The following STOX2 variants were observed in gnomAD, a reference collection of about 807,000 sequenced individuals.
The protein encoded by STOX2 is storkhead box 2.
Under a neutral mutation model 60.9 loss-of-function variants are expected in STOX2, and 28 were observed. The observed-to-expected ratio is 0.46, with a 90% CI of 0.34 to 0.63. STOX2 has a LOEUF of 0.63. Ranked by LOEUF, STOX2 falls within the 30% of genes least tolerant of loss-of-function variation. STOX2 has a pLI of 0.01. For missense variants in STOX2, 1,024 were observed against 1,187.7 expected, an observed-to-expected ratio of 0.86 and a Z score of 2.03; for synonymous variants, 472 against 463.9, an observed-to-expected ratio of 1.02 and a Z score of -0.22.
At chr4:183,942,695 C>T (rs958368567) in intron 1 of STOX2, among the ~76,000 whole-genome samples, 2 of 152,058 alleles carry the variant, frequency 1.3e-5, no homozygotes, top group African/African-American at 4.8e-5. Context: ...ACTGTTTCAG[C>T]TTGAGAAAAC....
chr4:183,860,668 C>A (rs1321899272), intron 1 of STOX2, among the ~76,000 whole-genome samples: 1 of 152,080 alleles, frequency 6.6e-6, no homozygotes, highest in Non-Finnish European at 1.5e-5. Context: ...GAGGGAGATG[C>A]TATTCAGAGT....
At chr4:183,818,215 CTGGTTTT>C (rs1739197586) in intron 1 of STOX2, among the ~76,000 whole-genome samples, 1 of 151,750 alleles carries the variant, frequency 6.6e-6, no homozygotes, top group African/African-American at 2.4e-5. Context: ...ACAAAGGTCT[CTGGTTTT>C]CCTAGGCAGA....
At chr4:183,799,609 G>GTA (rs1738714267) in intron 1 of STOX2, among the ~76,000 whole-genome samples, 1 of 151,874 alleles carries the variant, frequency 6.6e-6, no homozygotes. Context: ...GCTCCAAAAA[G>GTA]TATCAATGGC....
chr4:183,922,677 G>C (rs1051674990), intron 1 of STOX2, among the ~76,000 whole-genome samples: 1 of 152,172 alleles, frequency 6.6e-6, no homozygotes, highest in East Asian at 1.9e-4. Flanking sequence ...TAAGGGTACA[G>C]TTCAGTGGTA....
chr4:183,951,182 T>C (rs1350474791), intron 1 of STOX2, among the ~76,000 whole-genome samples: 4 of 141,508 alleles, frequency 2.8e-5, no homozygotes, highest in African/African-American at 1.1e-4. Flanking sequence ...GCCACTGCAC[T>C]CCAGCCTGGG....
chr4:183,840,341 A>G (rs1401977115), intron 1 of STOX2, among the ~76,000 whole-genome samples: 1 of 152,112 alleles, frequency 6.6e-6, no homozygotes, highest in East Asian at 1.9e-4. Context: ...TTCTTTGTCC[A>G]TGTAACAGTC....
chr4:183,962,241 A>G (rs1743433511), intron 1 of STOX2, among the ~76,000 whole-genome samples: 1 of 152,194 alleles, frequency 6.6e-6, no homozygotes, highest in Non-Finnish European at 1.5e-5. Flanking sequence ...GGCTGTAAAG[A>G]TTCCCTTACT....
intron 1 of STOX2, among the ~76,000 whole-genome samples, chr4:183,889,127 C>A (rs1033977269): frequency 3.9e-5 from 6 of 151,922 alleles, no homozygotes; most frequent in African/African-American, 1.5e-4. Context: ...CGGGGTTGAA[C>A]TGCATCCCTC....
chr4:183,940,852 G>A (rs1742734005), intron 1 of STOX2, among the ~76,000 whole-genome samples: 1 of 152,074 alleles, frequency 6.6e-6, no homozygotes, highest in South Asian at 2.1e-4. Context: ...CTATTTTAAA[G>A]TTTTATTTTA....
At chr4:183,888,977 G>A (rs760706836) in intron 1 of STOX2, among the ~76,000 whole-genome samples, 6 of 151,898 alleles carry the variant, frequency 4.0e-5, no homozygotes, top group Non-Finnish European at 8.8e-5. Context: ...AAAAGGGAAG[G>A]TTTGCTTTGA....
intron 1 of STOX2, among the ~76,000 whole-genome samples, chr4:183,834,014 G>T (rs977573946): frequency 2.6e-5 from 4 of 151,560 alleles, no homozygotes; most frequent in African/African-American, 9.7e-5. Flanking sequence ...ATGTGAGAAG[G>T]TGTTGTCACA....
intron 2 of STOX2, among the ~76,000 whole-genome samples, chr4:184,007,759 G>A (rs1308887738): frequency 1.3e-5 from 2 of 152,174 alleles, no homozygotes; most frequent in East Asian, 1.9e-4. Flanking sequence ...CTTACGGATG[G>A]CCACCTTCTG....
rs138782890 is a variant in STOX2, at chr4:183,825,611, C to T, written c.364+27556C>T. Among the ~76,000 whole-genome samples, 2,165 of 152,254 alleles carry T rather than the reference C, an allele frequency of 0.014. 23 individuals carry two copies. Among genetic ancestry groups the T allele is most frequent in the Middle Eastern group, 0.034 (10 of 294 alleles). The stretch of plus-strand genomic sequence containing the variant: ...GTGCAGCGCCCGACCCCTCCCTGCC[C>T]GTCCTCTGTGTCCCAGGACTCGCGG... On this transcript the variant is annotated intron_variant, in intron 1 of 2. Coordinates refer to the STOX2 transcript ENST00000513034. The surrounding 1 kb of genome is among the most constrained non-coding windows in gnomAD (Gnocchi z 4.1).
In STOX2 at chr4:184,001,071, T is replaced by C. The variant is rs554630720; in HGVS notation, c.167-254T>C. On this transcript the variant is annotated intron_variant, in intron 1 of 3. Coordinates refer to ENST00000308497, the MANE Select transcript of STOX2 (RefSeq NM_020225.3). The surrounding 1 kb of genome is among the most constrained non-coding windows in gnomAD (Gnocchi z 4.2). ...CAAGACTTTCAGTACTAGGACTATTTAAATGAGATCTCGGATGTTAAAGGG... is the reference window on the plus strand; with the variant it reads ...CAAGACTTTCAGTACTAGGACTATTCAAATGAGATCTCGGATGTTAAAGGG... 3.3e-5 allele frequency among the ~76,000 whole-genome samples: 5 copies of C among 152,322 alleles called. No individual in the cohort carries two copies. The South Asian group carries it at 6.2e-4, about 19-fold the overall frequency.
At chr4:183,995,920 G>A (rs1030299770) in intron 1 of STOX2, among the ~76,000 whole-genome samples, 1 of 152,130 alleles carries the variant, frequency 6.6e-6, no homozygotes, top group African/African-American at 2.4e-5. Flanking sequence ...CTCCTGGAGG[G>A]GGTCCGTCTT....
At chr4:183,888,998 A>G (rs1482115427) in intron 1 of STOX2, among the ~76,000 whole-genome samples, 1 of 151,812 alleles carries the variant, frequency 6.6e-6, no homozygotes, top group Non-Finnish European at 1.5e-5. Context: ...TGAACTGCCA[A>G]AGATGTTCTC....
intron 1 of STOX2, among the ~76,000 whole-genome samples, chr4:183,818,994 G>A (rs540394993): frequency 6.1e-4 from 93 of 151,858 alleles, no homozygotes; most frequent in African/African-American, 2.0e-3. Flanking sequence ...ATGGGTGGCC[G>A]GGCAGAGACC....
At chr4:183,832,985 A>G (rs1368549460) in intron 1 of STOX2, among the ~76,000 whole-genome samples, 1 of 152,222 alleles carries the variant, frequency 6.6e-6, no homozygotes, top group Admixed American at 6.5e-5. Flanking sequence ...ATGTTTTTCA[A>G]TCTCCAATAG....
In STOX2 at chr4:184,010,992, G is replaced by T. The variant is rs776296072; in HGVS notation, c.2154G>T (p.Lys718Asn). The T allele has an allele frequency of 6.2e-7, 1 of 1,613,220 alleles. No homozygotes were observed. The highest frequency in any genetic ancestry group is 1.1e-5 in the South Asian group (1 of 90,900). Residue 718 changes from lysine (K) to asparagine (N), a missense_variant, in exon 3 of 4, where the codon AAG (lysine) becomes AAT (asparagine). By Grantham distance (94) the Lys-to-Asn change is moderately conservative. Coordinates refer to ENST00000308497, the MANE Select transcript of STOX2 (RefSeq NM_020225.3). This position sits in a 1 kb window ranked among gnomAD's most constrained non-coding sequence, Gnocchi z 4.5. The stretch of plus-strand genomic sequence containing the variant: ...CCTTGTCTGTAAACAGCTATCACAA[G>T]TCGAGCCTGTCCCTCCTCAAATCTC... ...HSTLSVNSYH[K>N]SSLSLLKSHP...
Sources: gnomAD v4.1 joint callset for allele counts (sites outside exome capture counted in the v4.1 genomes callset) on GRCh38, gnomAD v4.1.1 for gene constraint, Gnocchi (gnomAD v3.1) non-coding constraint, MANE v1.5 for transcripts, NCBI Gene and HGNC (gene_info 2026-07-23, HGNC 2026-07-21) for gene names.